Variants in ZNF500 observed in about 807,000 individuals in gnomAD.
ZNF500 encodes the protein zinc finger protein 500.
Under a neutral mutation model 30.1 loss-of-function variants are expected in ZNF500, and 31 were observed. The ratio of observed to expected loss-of-function variants is 1.03; its 90% CI spans 0.77 to 1.39. ZNF500 has a LOEUF of 1.39. Among genes scored for constraint, ZNF500 ranks in the 40% most tolerant of loss-of-function variants. ZNF500 has a pLI of 0.00. For synonymous variants in ZNF500, 392 were observed against 282.0 expected (o/e 1.39, Z -3.91); for missense variants, 817 against 657.8 (o/e 1.24, Z -2.65).
chr16:4,752,937 C>A lies in ZNF500; in HGVS notation c.882G>T (p.Arg294Ser). 1 of 1,612,508 alleles carries A rather than the reference C, an allele frequency of 6.2e-7. No homozygotes were observed. The highest frequency in any genetic ancestry group is 2.2e-5 in the East Asian group (1 of 44,830). ...QGPGHPLPGQ[R>S]PAPVRGLVRP... ...TGACCAAGCCCCTGACTGGGGCTGG[C>A]CTCTGACCTGGGAGCGGGTGGCCAG... is the stretch of plus-strand genomic sequence containing the variant. Residue 294 changes from arginine (R) to serine (S), a missense_variant, in exon 6 of 6, where the codon AGG (arginine) becomes AGT (serine). Coordinates refer to ENST00000219478, the MANE Select transcript of ZNF500 (RefSeq NM_021646.4).
rs767515730 is a variant in ZNF500, at chr16:4,765,737, G to A, written c.242C>T (p.Pro81Leu). ...GATCTGCTCCTTGGTGCGCAGCTCC[G>A]GCCGCAGCCAGCGGCAGCACAGCTC... is the stretch of plus-strand genomic sequence containing the variant. ...LWELCCRWLR[P>L]ELRTKEQILE... Residue 81 changes from proline to leucine, a missense_variant, in exon 2 of 6, where the codon CCG (proline) becomes CTG (leucine). By Grantham distance (98) the Pro-to-Leu change is moderately conservative. Coordinates refer to ENST00000219478, the MANE Select transcript of ZNF500 (RefSeq NM_021646.4). The A allele has an allele frequency of 8.1e-6, 13 of 1,613,202 alleles. No individual in the cohort carries two copies. Among genetic ancestry groups the A allele is most frequent in the East Asian group, 2.2e-5 (1 of 44,876 alleles).
rs562245397 is a variant in ZNF500, at chr16:4,762,895, C to G, written c.415-139G>C. On this transcript the variant is annotated intron_variant, in intron 2 of 5. Transcript: ENST00000219478. ...TGTCTGCAGCCTCCCTCCCTCTGCC[C>G]AGCCGTGTGGCAGTGTTCCCTGCAG... The G allele has an allele frequency of 2.4e-5, 34 of 1,418,754 alleles. No individual in the cohort carries two copies. The South Asian group carries it at 5.2e-4, about 22-fold the overall frequency. 87.9% of individuals were successfully genotyped at this position (1,418,754 alleles called of 1,614,324 possible). A position where few individuals can be genotyped will look rare whatever the true frequency, so the allele number is the denominator to read the frequency against.
intron 5 of ZNF500, among the ~76,000 whole-genome samples, chr16:4,753,888 AGCCACT>A (rs2082110276): frequency 9.9e-5 from 15 of 152,246 alleles, no homozygotes; most frequent in Admixed American, 9.8e-4. Context: ...CGTGGCTCCC[AGCCACT>A]GGACCTCCCT....
At chr16:4,747,542 A>G (rs1181578843), downstream of ZNF500, 3 of 1,612,874 alleles carry the variant, frequency 1.9e-6, no homozygotes, top group Non-Finnish European at 1.7e-6. Flanking sequence ...TCGACTCCCA[A>G]GAGGCAGGCC....
intron 5 of ZNF500, chr16:4,756,321 T>G (rs1410665008): frequency 2.0e-5 from 3 of 151,956 alleles, no homozygotes; most frequent in Non-Finnish European, 4.4e-5. Flanking sequence ...CTGTCTCTAC[T>G]AAAAATACAA....
downstream of ZNF500, among the ~76,000 whole-genome samples, chr16:4,745,540 C>T (rs760103051): frequency 6.6e-6 from 1 of 152,202 alleles, no homozygotes; most frequent in Admixed American, 6.5e-5. Flanking sequence ...CCTCTATATG[C>T]CTGCCCTCCC....
At chr16:4,747,421 C>G (rs2082032149), downstream of ZNF500, 1 of 1,612,900 alleles carries the variant, frequency 6.2e-7, no homozygotes, top group African/African-American at 1.3e-5. Flanking sequence ...AGCTGCCTGC[C>G]AGCAAGGGGC....
chr16:4,751,826 T>A lies in ZNF500; in HGVS notation c.*550A>T. The A allele has an allele frequency of 1.7e-6, 1 of 576,922 alleles. No individual in the cohort carries two copies. The highest frequency in any genetic ancestry group is 3.0e-6 in the Non-Finnish European group (1 of 333,084). 35.7% of individuals were successfully genotyped at this position (576,922 alleles called of 1,614,324 possible). A position where few individuals can be genotyped will look rare whatever the true frequency, so the allele number is the denominator to read the frequency against. On this transcript the variant is annotated 3_prime_UTR_variant, in exon 6 of 6. Transcript: ENST00000219478. ...AGGAGGATGAGGCAGGAGGAACACT[T>A]GAGCCCAGGGATTCGAGGCTGCAGT...
intron 5 of ZNF500, chr16:4,758,706 A>T (rs2082164762): frequency 1.3e-5 from 2 of 152,312 alleles, no homozygotes; most frequent in South Asian, 4.1e-4. Flanking sequence ...CCTCTGGGGG[A>T]CAAGATTGCC....
Position 4,752,529 on chromosome 16 carries a change from C to A in ZNF500, c.1290G>T (p.Thr430=), listed in dbSNP as rs1387919081. Residue 430 remains threonine (T), a synonymous_variant, in exon 6 of 6, where the codon ACG becomes ACT. Coordinates refer to ENST00000219478, the MANE Select transcript of ZNF500 (RefSeq NM_021646.4). ...AGGTGTAGGGCTTCTCACCTGTGTG[C>A]GTCCGGCGGTGGGCGCTGAAGTGCG... The part of the protein sequence containing the change: ...NSSHFSAHRR[T]HTGEKPYTCP... The A allele has an allele frequency of 6.4e-7, 1 of 1,562,224 alleles. No homozygotes were observed. Among genetic ancestry groups the A allele is most frequent in the Admixed American group, 1.9e-5 (1 of 53,052 alleles).
downstream of ZNF500, chr16:4,746,962 AGGAG>A (rs761355040): frequency 7.7e-6 from 12 of 1,553,672 alleles, no homozygotes; most frequent in African/African-American, 1.4e-5. Context: ...GAGGAGGAGG[AGGAG>A]GAAGAGATGG....
At chr16:4,746,207 G>C, downstream of ZNF500, 11 of 662,662 alleles carry the variant, frequency 1.7e-5, no homozygotes, top group South Asian at 2.7e-4. Flanking sequence ...CCTAAATCTC[G>C]CATGCTGTTC....
rs562972424 is a variant in ZNF500 at position 4,764,784 on chromosome 16, A to T, written c.414+781T>A. 3.2e-3 allele frequency among the ~76,000 whole-genome samples: 360 copies of T among 111,956 alleles called. 1 individual carries two copies. The highest frequency in any genetic ancestry group is 8.3e-3 in the Admixed American group (95 of 11,430). 73.4% of individuals were successfully genotyped at this position (111,956 alleles called of 152,430 possible). A position where few individuals can be genotyped will look rare whatever the true frequency, so the allele number is the denominator to read the frequency against. On this transcript the variant is annotated intron_variant, in intron 2 of 5. Transcript: ENST00000219478. The stretch of plus-strand genomic sequence containing the variant: ...GCGACAGGGCGAGACTCCATCTCAA[A>T]AAAAAAGAAAAAAAAAAAAAAAGTA...
intron 4 of ZNF500, 68 bp from the exon 5 acceptor site, chr16:4,760,656 G>A: frequency 7.1e-7 from 1 of 1,416,360 alleles, no homozygotes; most frequent in Non-Finnish European, 9.8e-7. Flanking sequence ...AAGGCCACTG[G>A]CCCAGGGAGC....
At chr16:4,756,140 G>C (rs1422492931) in intron 5 of ZNF500, among the ~76,000 whole-genome samples, 1 of 152,216 alleles carries the variant, frequency 6.6e-6, no homozygotes, top group East Asian at 1.9e-4. Context: ...GCTCACGCCT[G>C]TAATACCAGC....
chr16:4,752,898 T>C lies in ZNF500; in HGVS notation c.921A>G (p.Pro307=). 2.5e-6 allele frequency: 4 copies of C among 1,614,020 alleles called. No individual in the cohort carries two copies. The highest frequency in any genetic ancestry group is 3.4e-6 in the Non-Finnish European group (4 of 1,180,022). The change falls in exon 6 of 6, where the codon CCA becomes CCG. Residue 307 remains proline (P), a synonymous_variant. Coordinates refer to ENST00000219478, the MANE Select transcript of ZNF500 (RefSeq NM_021646.4). Reference sequence around the variant, plus strand: ...GTCTTCCTGGTGGGGGGCCGCCTCTTGGCTGATCAGGCCTGACCAAGCCCC... The same window carrying C: ...GTCTTCCTGGTGGGGGGCCGCCTCTCGGCTGATCAGGCCTGACCAAGCCCC... ...PVRGLVRPDQ[P]RGGPPPGRRA...
At chr16:4,759,800 G>T (rs1361584709) in intron 5 of ZNF500, among the ~76,000 whole-genome samples, 1 of 152,214 alleles carries the variant, frequency 6.6e-6, no homozygotes, top group Non-Finnish European at 1.5e-5. Context: ...ACTTTGGGAG[G>T]CCTAGGCCAG....
chr16:4,757,426 C>A (rs1426134255), intron 5 of ZNF500, among the ~76,000 whole-genome samples: 1 of 151,930 alleles, frequency 6.6e-6, no homozygotes, highest in Non-Finnish European at 1.5e-5. Flanking sequence ...GTTCCTCCCA[C>A]CTCAGCCTCT....
At chr16:4,766,781 G>A (rs879351769) in intron 1 of ZNF500, 15 of 152,226 alleles carry the variant, frequency 9.9e-5, no homozygotes, top group Non-Finnish European at 1.9e-4. Flanking sequence ...CAGGTCTGGC[G>A]AACCCTGAAG....
Sources: allele counts gnomAD v4.1 joint callset (sites outside exome capture counted in the v4.1 genomes callset), GRCh38; gene constraint gnomAD v4.1.1; transcripts MANE v1.5; gene names NCBI Gene and HGNC (gene_info 2026-07-23, HGNC 2026-07-21).